The following USP34 variants were observed in gnomAD, a reference collection of about 807,000 sequenced individuals.
USP34 encodes ubiquitin specific peptidase 34.
Under a neutral mutation model 460.3 loss-of-function variants are expected in USP34, and 70 were observed. The observed-to-expected ratio is 0.15, with a 90% CI of 0.13 to 0.19. The LOEUF is 0.19. Among genes scored for constraint, USP34 ranks in the 10% least tolerant of loss-of-function variants. USP34 has a pLI of 1.00. For synonymous variants in USP34, 1,647 were observed against 1,405.3 expected, an observed-to-expected ratio of 1.17 and a Z score of -3.85; for missense variants, 3,985 against 4,236.2, an observed-to-expected ratio of 0.94 and a Z score of 1.65.
At chr2:61,469,606 A>G (rs569309701) in intron 1 of USP34, among the ~76,000 whole-genome samples, 22 of 152,338 alleles carry the variant, frequency 1.4e-4, no homozygotes, top group Non-Finnish European at 2.6e-4. Flanking sequence ...ACCATGGTAC[A>G]TTTTATAAAT....
At chr2:61,374,952 G>T (rs1466462589) in intron 8 of USP34, among the ~76,000 whole-genome samples, 1 of 152,096 alleles carries the variant, frequency 6.6e-6, no homozygotes, top group Admixed American at 6.6e-5. Flanking sequence ...AAACCAATTT[G>T]ACCTAATAGA....
intron 32 of USP34, among the ~76,000 whole-genome samples, 176 bp downstream of exon 32, chr2:61,294,773 G>A (rs111920083): frequency 4.2e-3 from 645 of 152,140 alleles, no homozygotes; most frequent in Non-Finnish European, 7.2e-3. Context: ...GAGCACCAAG[G>A]CATTAAATAA....
intron 21 of USP34, among the ~76,000 whole-genome samples, chr2:61,319,782 T>G (rs1004036660): frequency 6.6e-6 from 1 of 152,082 alleles, no homozygotes; most frequent in Non-Finnish European, 1.5e-5. Context: ...GAGGTGAAGG[T>G]TGCAGTGATA....
chr2:61,399,405 T>A (rs1357100004), intron 3 of USP34, among the ~76,000 whole-genome samples: 2 of 151,738 alleles, frequency 1.3e-5, no homozygotes, highest in African/African-American at 4.8e-5. Flanking sequence ...TTTGATTACA[T>A]CTATTTTGGT....
intron 21 of USP34, among the ~76,000 whole-genome samples, chr2:61,322,866 G>C (rs1226388092): frequency 1.3e-5 from 2 of 152,100 alleles, no homozygotes; most frequent in African/African-American, 4.8e-5. Context: ...AAGATAAAGA[G>C]TATCCAGGTT....
rs1157109074 is a variant in USP34 at position 61,336,131 on chromosome 2, G to GTGTGTC, written c.2745-2161_2745-2160insGACACA. ...GAAGCAAAACAAATTGTGTGTGTGT[G>GTGTGTC]TGTGTGTCCGCACAATTTTTTTTTT... On this transcript the variant is annotated intron_variant, in intron 18 of 79. Coordinates refer to ENST00000398571, the MANE Select transcript of USP34 (RefSeq NM_014709.4). Among the ~76,000 whole-genome samples the GTGTGTC allele has an allele frequency of 1.0e-3, 151 of 149,346 alleles. 2 individuals carry two copies. The highest frequency in any genetic ancestry group is 1.9e-3 in the Non-Finnish European group (126 of 67,584).
chr2:61,293,241 GT>G (rs1185199912), intron 33 of USP34, among the ~76,000 whole-genome samples: 1 of 152,018 alleles, frequency 6.6e-6, no homozygotes. Context: ...ACTGGCCAGA[GT>G]TTAGAGTAAT....
intron 27 of USP34, among the ~76,000 whole-genome samples, chr2:61,310,230 G>A (rs924640846): frequency 6.6e-6 from 1 of 151,946 alleles, no homozygotes; most frequent in Non-Finnish European, 1.5e-5. Flanking sequence ...GATACATTTG[G>A]ATCCAGAAAT....
At chr2:61,293,735 G>A (rs1336252266) in intron 32 of USP34, among the ~76,000 whole-genome samples, 185 bp from the exon 33 acceptor site, 1 of 152,122 alleles carries the variant, frequency 6.6e-6, no homozygotes, top group African/African-American at 2.4e-5. Flanking sequence ...GAATTTAAGG[G>A]TGGGTGCAAT....
rs766733455 is a variant in USP34 at position 61,239,302 on chromosome 2, A to ACTCT, written c.6777+2257_6777+2258insAGAG. Reference sequence around the variant, plus strand: ...CCTCACTTTAAATGAGGGCCCTGTCACACACACACACACACACACACACAC... The same window carrying ACTCT: ...CCTCACTTTAAATGAGGGCCCTGTCACTCTCACACACACACACACACACACACAC... On this transcript the variant is annotated intron_variant, in intron 53 of 79. Coordinates refer to ENST00000398571, the MANE Select transcript of USP34 (RefSeq NM_014709.4). 6.0e-4 allele frequency among the ~76,000 whole-genome samples: 24 copies of ACTCT among 39,978 alleles called. 1 individual carries two copies. Among genetic ancestry groups the ACTCT allele is most frequent in the African/African-American group, 1.7e-3 (21 of 12,322 alleles). The allele number at this position is 39,978 out of a possible 152,430, so 26.2% of individuals were successfully genotyped here. A position where few individuals can be genotyped will look rare whatever the true frequency, so the allele number is the denominator to read the frequency against.
intron 5 of USP34, among the ~76,000 whole-genome samples, chr2:61,385,723 G>A (rs1013926541): frequency 1.9e-4 from 28 of 148,460 alleles, no homozygotes; most frequent in Non-Finnish European, 4.0e-4. Context: ...GCTGGGTGCA[G>A]TGACTCAGGC....
intron 1 of USP34, among the ~76,000 whole-genome samples, chr2:61,470,339 G>A (rs1192431792): frequency 6.6e-6 from 1 of 152,164 alleles, no homozygotes; most frequent in African/African-American, 2.4e-5. Flanking sequence ...GGCGAAGGCG[G>A]CGAGGGGTTC....
chr2:61,455,203 G>A (rs1214942472), intron 1 of USP34, among the ~76,000 whole-genome samples: 1 of 151,186 alleles, frequency 6.6e-6, no homozygotes. Context: ...TTTTGAGACA[G>A]AGTCTCCGTC....
At chr2:61,296,332 CAT>C (rs1176104232) in intron 30 of USP34, among the ~76,000 whole-genome samples, 6 of 152,104 alleles carry the variant, frequency 3.9e-5, no homozygotes, top group African/African-American at 7.2e-5. Context: ...ACCCAACACA[CAT>C]GTGAGGTGGT....
At chr2:61,319,418 CTT>C (rs1476672715) in intron 21 of USP34, 91 bp from the exon 22 acceptor site, 3 of 859,126 alleles carry the variant, frequency 3.5e-6, no homozygotes, top group Non-Finnish European at 4.8e-6. Flanking sequence ...TAAGTCCTCA[CTT>C]AACACAGATA....
At chr2:61,330,173 T>G (rs1362032649) in intron 20 of USP34, among the ~76,000 whole-genome samples, 1 of 152,224 alleles carries the variant, frequency 6.6e-6, no homozygotes, top group Non-Finnish European at 1.5e-5. Flanking sequence ...TCTTTGTGTG[T>G]GACGTTGGAC....
At chr2:61,240,848 A>G (rs913986659) in intron 53 of USP34, among the ~76,000 whole-genome samples, 1 of 152,186 alleles carries the variant, frequency 6.6e-6, no homozygotes. Flanking sequence ...TGCTGGGATT[A>G]TAGGCATGAG....
intron 1 of USP34, among the ~76,000 whole-genome samples, chr2:61,467,530 T>C (rs1695809778): frequency 6.6e-6 from 1 of 151,880 alleles, no homozygotes; most frequent in South Asian, 2.1e-4. Flanking sequence ...ATGCACAATT[T>C]TATTGCTTCT....
At chr2:61,397,219 G>C (rs920867434) in intron 3 of USP34, among the ~76,000 whole-genome samples, 1 of 149,652 alleles carries the variant, frequency 6.7e-6, no homozygotes. Flanking sequence ...AAGGTGGGCA[G>C]ATCATTTGAG....
Sources: gnomAD v4.1 joint callset for allele counts (sites outside exome capture counted in the v4.1 genomes callset) on GRCh38, gnomAD v4.1.1 for gene constraint, MANE v1.5 for transcripts, NCBI Gene and HGNC (gene_info 2026-07-23, HGNC 2026-07-21) for gene names.